The following SLC12A2 variants were observed in gnomAD, a reference collection of about 807,000 sequenced individuals.
SLC12A2 encodes Na-K-2Cl cotransporter 1.
A neutral mutation model predicts 136.3 loss-of-function variants in SLC12A2; 67 were observed. That is an observed-to-expected ratio of 0.49 (90% CI 0.40 to 0.60). The LOEUF is 0.60. Among genes scored for constraint, SLC12A2 ranks in the 20% least tolerant of loss-of-function variants. The pLI is 0.00. For synonymous variants in SLC12A2, 619 were observed against 562.9 expected, an observed-to-expected ratio of 1.10 and a Z score of -1.41; for missense variants, 1,322 against 1,534.7, an observed-to-expected ratio of 0.86 and a Z score of 2.32.
In SLC12A2 at chr5:128,141,959, A is replaced by G; in HGVS notation, c.1751A>G (p.Tyr584Cys). 5 of 1,613,812 alleles carry G rather than the reference A, an allele frequency of 3.1e-6. No individual in the cohort carries two copies. The highest frequency in any genetic ancestry group is 4.2e-6 in the Non-Finnish European group (5 of 1,179,794). The change falls in exon 10 of 27, where the codon TAT becomes TGT. Residue 584 changes from tyrosine (Y) to cysteine (C), a missense_variant. Tyr to Cys is a radical substitution (Grantham distance 194). This residue lies in a region of SLC12A2 where 294 missense variants were observed against 436.6 expected (regional missense o/e 0.67). Coordinates refer to ENST00000262461, the MANE Select transcript of SLC12A2 (RefSeq NM_001046.3). The stretch of plus-strand genomic sequence containing the variant: ...TCTTGTGAAAGCAGTCCTTGTTCCT[A>G]TGGCCTAATGAACAACTTCCAGGTG... Reference protein sequence around the residue: ...FSSCESSPCSYGLMNNFQVMS... With the variant: ...FSSCESSPCSCGLMNNFQVMS...
intron 19 of SLC12A2, among the ~76,000 whole-genome samples, chr5:128,173,050 A>C (rs1424162281): frequency 2.0e-4 from 31 of 152,230 alleles, no homozygotes; most frequent in Non-Finnish European, 8.8e-5. Context: ...TATAAGCTTA[A>C]GAAAATTTAC....
intron 17 of SLC12A2, among the ~76,000 whole-genome samples, chr5:128,166,756 A>C (rs550664824): frequency 6.6e-6 from 1 of 152,226 alleles, no homozygotes; most frequent in South Asian, 2.1e-4. Flanking sequence ...AACATTGTGA[A>C]TATAATTAAT....
intron 18 of SLC12A2, chr5:128,170,191 A>G (rs1486130125): frequency 1.8e-4 from 27 of 152,230 alleles, no homozygotes; most frequent in Admixed American, 1.8e-3. Flanking sequence ...ATCCACAGTA[A>G]ACTTGGGGAG....
At chr5:128,119,960 C>G (rs1404297923) in intron 4 of SLC12A2, among the ~76,000 whole-genome samples, 1 of 152,088 alleles carries the variant, frequency 6.6e-6, no homozygotes, top group African/African-American at 2.4e-5. Context: ...ACCTACTCAT[C>G]TGACAAAGGG....
chr5:128,152,652 T>C, intron 14 of SLC12A2, 54 bp from the exon 15 acceptor site: 1 of 1,081,078 alleles, frequency 9.3e-7, no homozygotes, highest in Non-Finnish European at 1.4e-6. Context: ...AGATTGGCTA[T>C]TGATTGGTTG....
chr5:128,087,344 A>T (rs1245827696), intron 1 of SLC12A2, among the ~76,000 whole-genome samples: 1 of 152,232 alleles, frequency 6.6e-6, no homozygotes, highest in East Asian at 1.9e-4. Context: ...TTCTGCCTAG[A>T]CAGACATTAA....
intron 4 of SLC12A2, among the ~76,000 whole-genome samples, chr5:128,130,592 G>T (rs552309611): frequency 6.6e-6 from 1 of 151,142 alleles, no homozygotes; most frequent in East Asian, 1.9e-4. Context: ...TGAGGCACGA[G>T]AATTGCTTGA....
Position 128,084,144 on chromosome 5 carries a change from G to A in SLC12A2, c.190G>A (p.Ala64Thr). 4 of 1,295,210 alleles carry A rather than the reference G, an allele frequency of 3.1e-6. No individual in the cohort carries two copies. The highest frequency in any genetic ancestry group is 3.0e-4 in the Middle Eastern group (1 of 3,342). The allele number at this position is 1,295,210 out of a possible 1,614,324, so 80.2% of individuals were successfully genotyped here. The change falls in exon 1 of 27, where the codon GCC (alanine) becomes ACC (threonine). Residue 64 changes from alanine (A) to threonine (T), a missense_variant. By Grantham distance (58) the Ala-to-Thr change is moderately conservative. Around this residue, in one of 8 missense-constraint regions of SLC12A2, gnomAD observed 358 missense variants for 299.7 expected, o/e 1.19. Transcript: ENST00000262461. The surrounding 1 kb of genome is among the most constrained non-coding windows in gnomAD (Gnocchi z 5.6). ...GGTCCGCGATGAGGGCCCCGCGGCG[G>A]CCGGGGACGGGCTGGGCAGACCCTT... Reference protein sequence around the residue: ...GGVRDEGPAAAGDGLGRPLGP... With the variant: ...GGVRDEGPAATGDGLGRPLGP...
At chr5:128,127,462 G>A (rs2126691762) in intron 4 of SLC12A2, among the ~76,000 whole-genome samples, 1 of 151,882 alleles carries the variant, frequency 6.6e-6, no homozygotes, top group East Asian at 1.9e-4. Flanking sequence ...AGGTTTTTAT[G>A]TCAGTATTAT....
At chr5:128,104,666 T>C (rs888818414) in intron 1 of SLC12A2, among the ~76,000 whole-genome samples, 2 of 128,410 alleles carry the variant, frequency 1.6e-5, no homozygotes, top group African/African-American at 7.1e-5. Flanking sequence ...TATATAGATA[T>C]ATAGATATAT....
chr5:128,135,843 C>A, intron 7 of SLC12A2, 35 bp downstream of exon 7: 2 of 1,124,398 alleles, frequency 1.8e-6, no homozygotes, highest in Non-Finnish European at 2.7e-6. Context: ...TTTAAGGGTA[C>A]CTATTTATAG....
chr5:128,130,959 C>T lies in SLC12A2; in HGVS notation c.1049-108C>T, dbSNP rs1035643892. The stretch of plus-strand genomic sequence containing the variant: ...CTCACTTGCCTCTTTAACTGCTCTG[C>T]TTATTGGGGGCATCTGCTTTGTGAA... On this transcript the variant is annotated intron_variant, in intron 4 of 26. Coordinates refer to ENST00000262461, the MANE Select transcript of SLC12A2 (RefSeq NM_001046.3). 11 of 993,356 alleles carry T rather than the reference C, an allele frequency of 1.1e-5. No individual in the cohort carries two copies. The African/African-American group carries it at 1.1e-4, about 10-fold the overall frequency. 61.5% of individuals were successfully genotyped at this position (993,356 alleles called of 1,614,324 possible). A position where few individuals can be genotyped will look rare whatever the true frequency, so the allele number is the denominator to read the frequency against.
At chr5:128,122,386 T>G (rs186574603) in intron 4 of SLC12A2, among the ~76,000 whole-genome samples, 1 of 152,354 alleles carries the variant, frequency 6.6e-6, no homozygotes, top group East Asian at 1.9e-4. Context: ...ATTGAGGTAA[T>G]AATAGTAGCT....
chr5:128,137,070 G>A (rs570564361), intron 7 of SLC12A2, among the ~76,000 whole-genome samples: 26 of 151,964 alleles, frequency 1.7e-4, no homozygotes, highest in Non-Finnish European at 2.9e-4. Flanking sequence ...CTCCTAATGG[G>A]CCTCCCTGTT....
intron 4 of SLC12A2, among the ~76,000 whole-genome samples, chr5:128,114,944 A>G (rs988321294): frequency 6.6e-6 from 1 of 152,108 alleles, no homozygotes; most frequent in South Asian, 2.1e-4. Context: ...ACTGGGCTGC[A>G]TCTTAATTGC....
At chr5:128,134,369 A>G in intron 6 of SLC12A2, 94 bp downstream of exon 6, 1 of 702,014 alleles carries the variant, frequency 1.4e-6, no homozygotes. Context: ...ATATTTCCAG[A>G]TTCTAATGGT....
intron 1 of SLC12A2, among the ~76,000 whole-genome samples, chr5:128,086,117 A>G (rs2126633749): frequency 6.6e-6 from 1 of 152,282 alleles, no homozygotes; most frequent in South Asian, 2.1e-4. Flanking sequence ...TATATTTTAG[A>G]TTTATTTTAC....
chr5:128,086,866 T>TG (rs1175104243), intron 1 of SLC12A2, among the ~76,000 whole-genome samples: 10 of 152,206 alleles, frequency 6.6e-5, no homozygotes, highest in Admixed American at 6.5e-4. Context: ...AATTGACTTC[T>TG]ACCTCTCTAA....
At chr5:128,130,978 TTG>T in intron 4 of SLC12A2, 87 bp from the exon 5 acceptor site, 1 of 1,264,182 alleles carries the variant, frequency 7.9e-7, no homozygotes, top group South Asian at 1.3e-5. Context: ...GGCATCTGCT[TTG>T]TGAATTCATG....
Sources: gnomAD v4.1 joint callset for allele counts (sites outside exome capture counted in the v4.1 genomes callset) on GRCh38, gnomAD v4.1.1 for gene constraint, gnomAD v4.1.1 regional missense constraint, Gnocchi (gnomAD v3.1) non-coding constraint, MANE v1.5 for transcripts, NCBI Gene and HGNC (gene_info 2026-07-23, HGNC 2026-07-21) for gene names.